ZNF521: variants seen among roughly 807,000 people sequenced by gnomAD.
The protein encoded by ZNF521 is LYST-interacting protein 3.
Under a neutral mutation model 105.5 loss-of-function variants are expected in ZNF521, and 14 were observed. The observed-to-expected ratio is 0.13, with a 90% CI of 0.09 to 0.21. ZNF521 has a LOEUF of 0.21. ZNF521 is among the 10% of genes least tolerant of loss of function. The pLI is 1.00. For missense variants in ZNF521, 1,233 were observed against 1,629.7 expected (o/e 0.76, Z 4.19); for synonymous variants, 635 against 606.0 (o/e 1.05, Z -0.70).
chr18:25,177,554 T>C (rs987416966), intron 5 of ZNF521, among the ~76,000 whole-genome samples: 15 of 152,154 alleles, frequency 9.9e-5, no homozygotes, highest in African/African-American at 3.6e-4. Context: ...TGAGGATTTT[T>C]TTTTTTTTCA....
intron 5 of ZNF521, among the ~76,000 whole-genome samples, chr18:25,108,821 C>T (rs944227131): frequency 3.9e-5 from 6 of 152,084 alleles, no homozygotes; most frequent in Admixed American, 2.0e-4. Context: ...GATGGGGTTT[C>T]GCCATAGTAG....
chr18:25,140,594 C>T (rs1042376272), intron 5 of ZNF521, among the ~76,000 whole-genome samples: 3 of 152,142 alleles, frequency 2.0e-5, no homozygotes, highest in Admixed American at 2.0e-4. Context: ...GTTAAATCAT[C>T]TGGAAGATGC....
At chr18:25,161,436 T>C (rs1352634280) in intron 5 of ZNF521, among the ~76,000 whole-genome samples, 5 of 152,066 alleles carry the variant, frequency 3.3e-5, no homozygotes, top group Non-Finnish European at 1.5e-5. Context: ...AGGGGAATGG[T>C]TGTTGGCAGC....
intron 4 of ZNF521, among the ~76,000 whole-genome samples, chr18:25,206,674 C>T (rs1055196680): frequency 1.3e-5 from 2 of 152,134 alleles, no homozygotes; most frequent in East Asian, 3.9e-4. Context: ...CTTAGCAGTT[C>T]TTACTTTGTT....
intron 5 of ZNF521, among the ~76,000 whole-genome samples, chr18:25,137,854 CT>C (rs777353675): frequency 2.0e-5 from 3 of 152,164 alleles, no homozygotes; most frequent in Admixed American, 6.5e-5. Context: ...GCGTTTGATC[CT>C]AAGGATGCCT....
chr18:25,288,775 A>G (rs1423434652), intron 3 of ZNF521, among the ~76,000 whole-genome samples: 1 of 152,136 alleles, frequency 6.6e-6, no homozygotes, highest in Non-Finnish European at 1.5e-5. Context: ...AACTGTCAGG[A>G]GTCAATGAGG....
At chr18:25,125,119 A>C (rs770017044) in intron 5 of ZNF521, among the ~76,000 whole-genome samples, 1 of 152,146 alleles carries the variant, frequency 6.6e-6, no homozygotes, top group Non-Finnish European at 1.5e-5. Flanking sequence ...TTCACCCTCC[A>C]CATAATATTT....
At chr18:25,217,937 G>A (rs1281303043) in intron 4 of ZNF521, among the ~76,000 whole-genome samples, 1 of 152,180 alleles carries the variant, frequency 6.6e-6, no homozygotes, top group Non-Finnish European at 1.5e-5. Flanking sequence ...ACAGCCTTCT[G>A]GAAGGTGGAA....
Position 25,226,200 on chromosome 18 carries a change from C to T in ZNF521, c.1718G>A (p.Ser573Asn). The change falls in exon 4 of 8, where the codon AGC (serine) becomes AAC (asparagine). Residue 573 changes from serine (S) to asparagine (N), a missense_variant. Physicochemically the swap from Ser to Asn is conservative, Grantham distance 46. Transcript: ENST00000361524. This position sits in a 1 kb window ranked among gnomAD's most constrained non-coding sequence, Gnocchi z 4.1. Reference protein sequence around the residue: ...SYCTNSPIFNSVLKLNKHIKE... With the variant: ...SYCTNSPIFNNVLKLNKHIKE... The stretch of plus-strand genomic sequence containing the variant: ...GATATGCTTGTTCAGTTTAAGAACG[C>T]TGTTGAATATTGGCGAATTTGTACA... 1.2e-6 allele frequency: 2 copies of T among 1,614,140 alleles called. No homozygotes were observed. The highest frequency in any genetic ancestry group is 1.7e-6 in the Non-Finnish European group (2 of 1,180,022).
intron 6 of ZNF521, 55 bp downstream of exon 6, chr18:25,091,895 A>G: frequency 6.3e-7 from 1 of 1,593,010 alleles, no homozygotes. Context: ...TTTGGTAGGA[A>G]AGACATGATG....
At chr18:25,132,495 T>C (rs187625559) in intron 5 of ZNF521, among the ~76,000 whole-genome samples, 1 of 152,320 alleles carries the variant, frequency 6.6e-6, no homozygotes, top group African/African-American at 2.4e-5. Context: ...TTGTTTTATG[T>C]TTCCCTGAGT....
chr18:25,247,626 T>C (rs1014748818), intron 3 of ZNF521, among the ~76,000 whole-genome samples: 4 of 152,126 alleles, frequency 2.6e-5, no homozygotes, highest in East Asian at 1.9e-4. Flanking sequence ...GACTAGAACA[T>C]AGAATTTGTG....
Position 25,092,097 on chromosome 18 carries a change from C to T in ZNF521, c.3659-16G>A. On this transcript the variant is annotated splice_polypyrimidine_tract_variant and intron_variant, in intron 5 of 7. Transcript: ENST00000361524. Reference sequence around the variant, plus strand: ...AGTCCTTCATCTGTCAAGGAAAACACATGAAGAGAAATGATGAAAACCTGT... The same window carrying T: ...AGTCCTTCATCTGTCAAGGAAAACATATGAAGAGAAATGATGAAAACCTGT... 1 of 1,613,388 alleles carries T rather than the reference C, an allele frequency of 6.2e-7. No homozygotes were observed. The highest frequency in any genetic ancestry group is 8.5e-7 in the Non-Finnish European group (1 of 1,179,584).
intron 5 of ZNF521, among the ~76,000 whole-genome samples, chr18:25,178,174 G>A (rs2035567038): frequency 6.6e-6 from 1 of 152,150 alleles, no homozygotes; most frequent in Admixed American, 6.5e-5. Flanking sequence ...CAGTAACTGC[G>A]TTACTCCCTT....
At chr18:25,196,960 C>T (rs1257610769) in intron 4 of ZNF521, among the ~76,000 whole-genome samples, 1 of 151,606 alleles carries the variant, frequency 6.6e-6, no homozygotes, top group Non-Finnish European at 1.5e-5. Flanking sequence ...TACAATATGT[C>T]GAAAACTGTC....
At chr18:25,140,170 C>G (rs903202082) in intron 5 of ZNF521, among the ~76,000 whole-genome samples, 1 of 152,168 alleles carries the variant, frequency 6.6e-6, no homozygotes, top group Non-Finnish European at 1.5e-5. Flanking sequence ...CATCAAATCA[C>G]AAATCAGAAA....
chr18:25,234,119 A>G (rs1305623002), intron 3 of ZNF521, among the ~76,000 whole-genome samples: 3 of 152,154 alleles, frequency 2.0e-5, no homozygotes, highest in East Asian at 1.9e-4. Flanking sequence ...GTGGGGGGTG[A>G]GAATTGCTTT....
intron 5 of ZNF521, among the ~76,000 whole-genome samples, chr18:25,169,819 A>C (rs1465061614): frequency 6.6e-6 from 1 of 152,188 alleles, no homozygotes; most frequent in Non-Finnish European, 1.5e-5. Context: ...AGAGATCCAA[A>C]GGTTAATCTC....
intron 4 of ZNF521, among the ~76,000 whole-genome samples, chr18:25,222,790 T>C (rs1194326945): frequency 6.6e-6 from 1 of 152,194 alleles, no homozygotes; most frequent in Non-Finnish European, 1.5e-5. Context: ...TTACAGACGA[T>C]ATTATGGGAT....
Sources: gnomAD v4.1 joint callset for allele counts (sites outside exome capture counted in the v4.1 genomes callset) on GRCh38, gnomAD v4.1.1 for gene constraint, Gnocchi (gnomAD v3.1) non-coding constraint, MANE v1.5 for transcripts, NCBI Gene and HGNC (gene_info 2026-07-23, HGNC 2026-07-21) for gene names.